Variants in CTDP1 observed in about 807,000 individuals in gnomAD.
The protein encoded by CTDP1 is RNA polymerase II subunit A C-terminal domain phosphatase.
A neutral mutation model predicts 91.8 loss-of-function variants in CTDP1; 47 were observed. That is an observed-to-expected ratio of 0.51 (90% CI 0.41 to 0.65). CTDP1 has a LOEUF of 0.65. Among genes scored for constraint, CTDP1 ranks in the 30% least tolerant of loss-of-function variants. CTDP1 has a pLI of 0.00. For synonymous variants in CTDP1, 656 were observed against 598.5 expected (o/e 1.10, Z -1.40); for missense variants, 1,272 against 1,373.7 (o/e 0.93, Z 1.17).
rs373540065 is a variant in CTDP1, at chr18:79,736,455, G to T, written c.2681G>T (p.Arg894Leu). 1.4e-5 allele frequency: 21 copies of T among 1,549,014 alleles called. No homozygotes were observed. Among genetic ancestry groups the T allele is most frequent in the Non-Finnish European group, 1.7e-5 (20 of 1,146,978 alleles). The change falls in exon 12 of 13, where the codon CGC (arginine) becomes CTC (leucine). Residue 894 changes from arginine to leucine, a missense_variant. Arg to Leu is a moderately radical substitution (Grantham distance 102). Around this residue, in one of 3 missense-constraint regions of CTDP1, gnomAD observed 881 missense variants for 911.6 expected, o/e 0.97. Transcript: ENST00000613122. ...EEPQPRKPGT[R>L]RERTLGAPAS... ...CCCCAGCCCCGGAAGCCAGGGACCC[G>T]CAGGGAGCGGACGCTCGGGGCACCT...
intron 1 of CTDP1, among the ~76,000 whole-genome samples, chr18:79,691,475 C>T (rs1390033313): frequency 6.7e-6 from 1 of 149,972 alleles, no homozygotes; most frequent in Non-Finnish European, 1.5e-5. Flanking sequence ...GGCTGGGGAA[C>T]AGTGGACAGC....
intron 3 of CTDP1, among the ~76,000 whole-genome samples, chr18:79,696,601 G>A (rs1050955708): frequency 1.9e-4 from 29 of 152,186 alleles, no homozygotes; most frequent in Non-Finnish European, 3.7e-4. Context: ...AAGCTGGCTC[G>A]GGAGAGTGGG....
chr18:79,726,465 C>T (rs1380410633), intron 10 of CTDP1, among the ~76,000 whole-genome samples: 3 of 152,092 alleles, frequency 2.0e-5, no homozygotes, highest in African/African-American at 7.2e-5. Flanking sequence ...CAGCTTGGCC[C>T]TTGTTGATTG....
intron 12 of CTDP1, among the ~76,000 whole-genome samples, chr18:79,751,689 C>A (rs144519216): frequency 6.6e-6 from 1 of 152,012 alleles, no homozygotes; most frequent in Non-Finnish European, 1.5e-5. Flanking sequence ...GTGTTACATG[C>A]GTGCTGTGTG....
chr18:79,715,516 G>A lies in CTDP1; in HGVS notation c.2056G>A (p.Ala686Thr), dbSNP rs1211665289. 1.9e-6 allele frequency: 3 copies of A among 1,554,054 alleles called. No individual in the cohort carries two copies. The highest frequency in any genetic ancestry group is 1.9e-5 in the Admixed American group (1 of 52,674). The change falls in exon 8 of 13, where the codon GCC becomes ACC. Residue 686 changes from alanine to threonine, a missense_variant. By Grantham distance (58) the Ala-to-Thr change is moderately conservative. Transcript: ENST00000613122. The part of the protein sequence containing the change: ...DAPDRATHLI[A>T]ARAGTEKVLQ... Reference sequence around the variant, plus strand: ...CCCTGACAGGGCCACGCACCTGATCGCCGCGCGAGCTGGTGAGTGCTGCCT... The same window carrying A: ...CCCTGACAGGGCCACGCACCTGATCACCGCGCGAGCTGGTGAGTGCTGCCT...
At chr18:79,687,572 T>G (rs370876998) in intron 1 of CTDP1, among the ~76,000 whole-genome samples, 3 of 130,266 alleles carry the variant, frequency 2.3e-5, no homozygotes, top group African/African-American at 9.4e-5. Flanking sequence ...AGTTGGCTTC[T>G]CCAGTTCACT....
intron 10 of CTDP1, among the ~76,000 whole-genome samples, chr18:79,725,460 A>T (rs2086426960): frequency 6.6e-6 from 1 of 151,682 alleles, no homozygotes; most frequent in South Asian, 2.1e-4. Flanking sequence ...TTTTCACAGG[A>T]CCTGCTGCGT....
intron 10 of CTDP1, among the ~76,000 whole-genome samples, chr18:79,724,760 TCCC>T (rs1158927122): frequency 6.6e-6 from 1 of 152,238 alleles, no homozygotes; most frequent in Non-Finnish European, 1.5e-5. Flanking sequence ...CAGTCCCAGA[TCCC>T]AGAGATTTTC....
At chr18:79,756,199 C>T (rs1321645301), downstream of CTDP1, 3 of 152,434 alleles carry the variant, frequency 2.0e-5, no homozygotes, top group African/African-American at 4.8e-5. Context: ...TAAAATGGGA[C>T]TTTTCTCCCG....
At chr18:79,685,937 A>T (rs533224941) in intron 1 of CTDP1, among the ~76,000 whole-genome samples, 1 of 152,214 alleles carries the variant, frequency 6.6e-6, no homozygotes, top group Admixed American at 6.5e-5. Flanking sequence ...TATTTAAAGG[A>T]TGATACTTTA....
intron 11 of CTDP1, among the ~76,000 whole-genome samples, chr18:79,733,916 C>T (rs541961325): frequency 1.3e-5 from 2 of 152,164 alleles, no homozygotes; most frequent in Non-Finnish European, 2.9e-5. Context: ...GGTATGAATT[C>T]ACTTGTGTTT....
In CTDP1 at chr18:79,754,277, G is replaced by A. The variant is rs906983784; in HGVS notation, c.*487G>A. 3 of 202,988 alleles carry A rather than the reference G, an allele frequency of 1.5e-5. No homozygotes were observed. Among genetic ancestry groups the A allele is most frequent in the Admixed American group, 1.1e-4 (2 of 18,900 alleles). The allele number at this position is 202,988 out of a possible 1,614,324, so 12.6% of individuals were successfully genotyped here. On this transcript the variant is annotated 3_prime_UTR_variant, in exon 13 of 13. Coordinates refer to ENST00000613122, the MANE Select transcript of CTDP1 (RefSeq NM_004715.5). ...AGGGAACCCATTTCCGGGGAACGCC[G>A]TGACTGTCGGGCAGCCTGGAGCTTC... is the stretch of plus-strand genomic sequence containing the variant.
chr18:79,738,579 G>A (rs572037800), intron 12 of CTDP1, among the ~76,000 whole-genome samples: 1 of 152,304 alleles, frequency 6.6e-6, no homozygotes, highest in South Asian at 2.1e-4. Context: ...TTCTCCCCAC[G>A]TCTGGTCTTA....
At position 79,754,202 on chromosome 18, in the gene CTDP1, G is replaced by A. The variant is rs907974563; in HGVS notation, c.*412G>A. On this transcript the variant is annotated 3_prime_UTR_variant, in exon 13 of 13. Coordinates refer to ENST00000613122, the MANE Select transcript of CTDP1 (RefSeq NM_004715.5). Reference sequence around the variant, plus strand: ...AGGACAGTGTGCGTGCACGAGCTCCGAGCCCAGCACAGACATGCCTGGAAC... The same window carrying A: ...AGGACAGTGTGCGTGCACGAGCTCCAAGCCCAGCACAGACATGCCTGGAAC... 7 of 284,742 alleles carry A rather than the reference G, an allele frequency of 2.5e-5. No homozygotes were observed. The highest frequency in any genetic ancestry group is 4.1e-5 in the Non-Finnish European group (6 of 144,868). The allele number at this position is 284,742 out of a possible 1,614,324, so 17.6% of individuals were successfully genotyped here. A position where few individuals can be genotyped will look rare whatever the true frequency, so the allele number is the denominator to read the frequency against.
chr18:79,747,467 G>C (rs1238210143), intron 12 of CTDP1, among the ~76,000 whole-genome samples: 1 of 152,236 alleles, frequency 6.6e-6, no homozygotes, highest in African/African-American at 2.4e-5. Flanking sequence ...CTCAGCAGCA[G>C]ACCAGCTCTT....
At chr18:79,747,656 G>T (rs2086907979) in intron 12 of CTDP1, among the ~76,000 whole-genome samples, 1 of 152,258 alleles carries the variant, frequency 6.6e-6, no homozygotes, top group South Asian at 2.1e-4. Context: ...CCACTCCAGG[G>T]TGCACTGGGG....
At chr18:79,684,283 A>G (rs1002753570) in intron 1 of CTDP1, among the ~76,000 whole-genome samples, 2 of 152,236 alleles carry the variant, frequency 1.3e-5, no homozygotes, top group African/African-American at 4.8e-5. Context: ...CGTAGATTAG[A>G]ACGTCAGTCT....
intron 11 of CTDP1, 133 bp from the exon 12 acceptor site, chr18:79,736,222 G>A: frequency 3.4e-6 from 4 of 1,177,550 alleles, no homozygotes; most frequent in Non-Finnish European, 4.9e-6. Flanking sequence ...CCAGGGCTCA[G>A]GTAGAAAGCA....
chr18:79,695,636 G>C (rs2085731369), intron 2 of CTDP1, among the ~76,000 whole-genome samples: 1 of 152,208 alleles, frequency 6.6e-6, no homozygotes, highest in African/African-American at 2.4e-5. Flanking sequence ...GCCCCATGCT[G>C]GGGGCTGCTT....
Sources: gnomAD v4.1 joint callset for allele counts (sites outside exome capture counted in the v4.1 genomes callset) on GRCh38, gnomAD v4.1.1 for gene constraint, gnomAD v4.1.1 regional missense constraint, MANE v1.5 for transcripts, NCBI Gene and HGNC (gene_info 2026-07-23, HGNC 2026-07-21) for gene names.